CLYBL: variants seen among roughly 807,000 people sequenced by gnomAD.
The protein encoded by CLYBL is citramalyl-CoA lyase, mitochondrial.
Under a neutral mutation model 38.9 loss-of-function variants are expected in CLYBL, and 31 were observed. The observed-to-expected ratio is 0.80, with a 90% confidence interval of 0.60 to 1.08. The LOEUF is 1.08. Ranked by LOEUF, CLYBL falls within the 50% of genes least tolerant of loss-of-function variation. The probability of loss-of-function intolerance (pLI) is 0.00; values close to 1 mark genes in which losing one functional copy is unlikely to be tolerated. For missense variants in CLYBL, 434 were observed against 411.6 expected, an observed-to-expected ratio of 1.05 and a Z score of -0.47; for synonymous variants, 171 against 158.6, an observed-to-expected ratio of 1.08 and a Z score of -0.59.
intron 2 of CLYBL, among the ~76,000 whole-genome samples, chr13:99,792,617 C>T (rs2138896836): frequency 6.6e-6 from 1 of 152,134 alleles, no homozygotes; most frequent in East Asian, 1.9e-4. Context: ...TCAACTGGGC[C>T]ATGCTCTTTG....
intron 1 of CLYBL, among the ~76,000 whole-genome samples, chr13:99,621,600 T>G (rs1348004091): frequency 1.3e-5 from 2 of 151,962 alleles, no homozygotes; most frequent in African/African-American, 2.4e-5. Context: ...TTCATTGTAT[T>G]AGTTTCCTAT....
At position 99,891,441 on chromosome 13, in the gene CLYBL, G is replaced by A. The variant is rs1349887960; in HGVS notation, c.*24+4G>A. 3 of 1,528,302 alleles carry A rather than the reference G, an allele frequency of 2.0e-6. No individual in the cohort carries two copies. Among genetic ancestry groups the A allele is most frequent in the Middle Eastern group, 1.7e-4 (1 of 5,868 alleles). 94.7% of individuals were successfully genotyped at this position (1,528,302 alleles called of 1,614,324 possible). A position where few individuals can be genotyped will look rare whatever the true frequency, so the allele number is the denominator to read the frequency against. ...TGTTAAATGAAGCTGTCATCAGGTG[G>A]GCTGAACATATACAGTGGGGTTCTT... On this transcript the variant is annotated splice_donor_region_variant and intron_variant, in intron 8 of 8. Coordinates refer to ENST00000339105, the MANE Select transcript of CLYBL (RefSeq NM_206808.5).
chr13:99,845,068 C>CTAGG (rs1393245874), intron 2 of CLYBL, among the ~76,000 whole-genome samples: 2 of 152,190 alleles, frequency 1.3e-5, no homozygotes, highest in East Asian at 3.8e-4. Context: ...GGTCCTGAAA[C>CTAGG]TAGGCATATG....
At chr13:99,820,043 T>C (rs1447090992) in intron 2 of CLYBL, among the ~76,000 whole-genome samples, 1 of 152,222 alleles carries the variant, frequency 6.6e-6, no homozygotes, top group Non-Finnish European at 1.5e-5. Context: ...CCAGCTTCCC[T>C]AAAGCAGACC....
At chr13:99,814,177 A>C (rs1244855500) in intron 2 of CLYBL, among the ~76,000 whole-genome samples, 1 of 152,126 alleles carries the variant, frequency 6.6e-6, no homozygotes, top group Non-Finnish European at 1.5e-5. Context: ...TTACAATGAC[A>C]TTTTCAAAAA....
chr13:99,653,425 T>A (rs1208367171), intron 1 of CLYBL, among the ~76,000 whole-genome samples: 1 of 151,932 alleles, frequency 6.6e-6, no homozygotes, highest in Non-Finnish European at 1.5e-5. Flanking sequence ...ACACTTAGGT[T>A]CCAGACCTCC....
chr13:99,870,670 A>G (rs1229570904), intron 6 of CLYBL, among the ~76,000 whole-genome samples: 1 of 152,230 alleles, frequency 6.6e-6, no homozygotes, highest in Non-Finnish European at 1.5e-5. Flanking sequence ...GTAACTAAAA[A>G]TAAGAGATTA....
intron 1 of CLYBL, among the ~76,000 whole-genome samples, chr13:99,718,034 T>C (rs1356020605): frequency 1.3e-5 from 2 of 151,886 alleles, no homozygotes; most frequent in African/African-American, 4.8e-5. Flanking sequence ...TTTTTGTTTG[T>C]TTGCTTTTGT....
chr13:99,899,534 G>T (rs957464841), downstream of CLYBL, among the ~76,000 whole-genome samples: 1 of 152,136 alleles, frequency 6.6e-6, no homozygotes, highest in Non-Finnish European at 1.5e-5. Context: ...GCAATGGGGA[G>T]TTACTGTTTA....
chr13:99,717,436 GAA>G (rs1172721313), intron 1 of CLYBL, among the ~76,000 whole-genome samples: 6,330 of 91,186 alleles, frequency 0.069, 261 homozygotes, highest in African/African-American at 0.14. Context: ...AAAAAAATTA[GAA>G]AAAAAAAAAA....
chr13:99,775,108 A>G (rs1423396323), intron 2 of CLYBL, among the ~76,000 whole-genome samples: 6 of 152,176 alleles, frequency 3.9e-5, no homozygotes, highest in Non-Finnish European at 5.9e-5. Context: ...TCATGATTAG[A>G]GGGGAATTTA....
chr13:99,899,314 G>T (rs570366072), downstream of CLYBL, among the ~76,000 whole-genome samples: 4 of 152,336 alleles, frequency 2.6e-5, no homozygotes, highest in African/African-American at 9.6e-5. Flanking sequence ...GGTTAGCCAA[G>T]ACTTTGTTGG....
intron 1 of CLYBL, among the ~76,000 whole-genome samples, chr13:99,703,645 CAT>C (rs1320727342): frequency 2.1e-4 from 32 of 152,292 alleles, no homozygotes; most frequent in African/African-American, 7.2e-4. Context: ...TGGGATTACA[CAT>C]ATGAGCCACT....
intron 2 of CLYBL, among the ~76,000 whole-genome samples, chr13:99,780,099 C>T (rs2049609642): frequency 1.3e-5 from 2 of 152,032 alleles, no homozygotes; most frequent in South Asian, 4.1e-4. Context: ...ATCTATTCTC[C>T]AATAGAAAAT....
chr13:99,669,244 T>C (rs1308497035), intron 1 of CLYBL, among the ~76,000 whole-genome samples: 3 of 152,048 alleles, frequency 2.0e-5, no homozygotes, highest in Non-Finnish European at 4.4e-5. Flanking sequence ...CCTCATGATC[T>C]GCCCGCCTCA....
intron 2 of CLYBL, among the ~76,000 whole-genome samples, chr13:99,775,503 G>A (rs2049492426): frequency 6.6e-6 from 1 of 152,124 alleles, no homozygotes; most frequent in South Asian, 2.1e-4. Flanking sequence ...TAAGCTCAGA[G>A]TCAGCTAAAA....
intron 2 of CLYBL, among the ~76,000 whole-genome samples, chr13:99,815,842 A>T (rs1026388865): frequency 3.9e-5 from 6 of 152,164 alleles, no homozygotes; most frequent in African/African-American, 1.4e-4. Flanking sequence ...GCGCCACTGC[A>T]CTCCAGCCTG....
intron 2 of CLYBL, among the ~76,000 whole-genome samples, chr13:99,773,803 CAT>C (rs1007863101): frequency 1.8e-4 from 27 of 152,128 alleles, no homozygotes; most frequent in African/African-American, 5.6e-4. Context: ...GAGAATAAAA[CAT>C]AGTTTTTCAT....
At chr13:99,703,362 G>C (rs1188203370) in intron 1 of CLYBL, among the ~76,000 whole-genome samples, 1 of 151,804 alleles carries the variant, frequency 6.6e-6, no homozygotes, top group Non-Finnish European at 1.5e-5. Flanking sequence ...TTTGAAATTA[G>C]TTTTTTTGTT....
Sources: allele counts gnomAD v4.1 joint callset (sites outside exome capture counted in the v4.1 genomes callset), GRCh38; gene constraint gnomAD v4.1.1; transcripts MANE v1.5; gene names NCBI Gene and HGNC (gene_info 2026-07-23, HGNC 2026-07-21).